The following UCHL3 variants were observed in gnomAD, a reference collection of about 807,000 sequenced individuals.
UCHL3 encodes ubiquitin C-terminal hydrolase L3.
A neutral mutation model predicts 35.8 loss-of-function variants in UCHL3; 22 were observed. The observed-to-expected ratio is 0.61, with a 90% CI of 0.44 to 0.88. The LOEUF (loss-of-function observed/expected upper bound fraction) is 0.88, where lower values mean the gene tolerates loss of function less well. Ranked by LOEUF, UCHL3 falls within the 40% of genes least tolerant of loss-of-function variation. UCHL3 has a pLI of 0.00. For missense variants in UCHL3, 229 were observed against 276.9 expected, an observed-to-expected ratio of 0.83 and a Z score of 1.23; for synonymous variants, 90 against 92.8, an observed-to-expected ratio of 0.97 and a Z score of 0.17.
chr13:75,574,074 C>T (rs903642335), intron 6 of UCHL3, among the ~76,000 whole-genome samples: 26 of 152,046 alleles, frequency 1.7e-4, no homozygotes, highest in Non-Finnish European at 3.5e-4. Context: ...AAAAACTAGC[C>T]AGGTGTGGTG....
chr13:75,560,942 A>AT (rs1475421625), intron 3 of UCHL3, 61 bp downstream of exon 3: 2 of 1,432,058 alleles, frequency 1.4e-6, no homozygotes, highest in African/African-American at 3.0e-5. Context: ...ATTCTGTCTT[A>AT]TTTTTTGAGG....
chr13:75,570,917 AAT>A (rs1282900068), intron 6 of UCHL3, among the ~76,000 whole-genome samples: 1 of 151,404 alleles, frequency 6.6e-6, no homozygotes, highest in Non-Finnish European at 1.5e-5. Flanking sequence ...GTCTCTATAA[AAT>A]ATATATATAT....
chr13:75,561,873 G>A (rs554470523), intron 3 of UCHL3, among the ~76,000 whole-genome samples: 6 of 149,932 alleles, frequency 4.0e-5, no homozygotes, highest in South Asian at 2.1e-4. Context: ...ATATACATAC[G>A]TATATACGTA....
chr13:75,554,087 T>G (rs1441900255), intron 2 of UCHL3, among the ~76,000 whole-genome samples: 1 of 152,220 alleles, frequency 6.6e-6, no homozygotes, highest in Non-Finnish European at 1.5e-5. Context: ...AGACAGGGTC[T>G]TGTTCTATCT....
chr13:75,554,501 T>C (rs1463370764), intron 2 of UCHL3, among the ~76,000 whole-genome samples: 1 of 152,234 alleles, frequency 6.6e-6, no homozygotes, highest in Non-Finnish European at 1.5e-5. Context: ...TTGCAAAGGC[T>C]ATTCCAAATA....
At chr13:75,562,594 G>GT (rs1400687146) in intron 3 of UCHL3, among the ~76,000 whole-genome samples, 2 of 151,836 alleles carry the variant, frequency 1.3e-5, no homozygotes, top group Admixed American at 6.6e-5. Flanking sequence ...ACAAATAGGA[G>GT]TTTTTTTGTC....
chr13:75,600,977 A>G (rs577190956), intron 7 of UCHL3, among the ~76,000 whole-genome samples: 2 of 152,310 alleles, frequency 1.3e-5, no homozygotes, highest in African/African-American at 2.4e-5. Flanking sequence ...GTTGGTTCCA[A>G]TCCTCATGGA....
chr13:75,589,519 G>C (rs1010797975), intron 6 of UCHL3, among the ~76,000 whole-genome samples: 1 of 151,888 alleles, frequency 6.6e-6, no homozygotes, highest in Non-Finnish European at 1.5e-5. Flanking sequence ...TCCTTTTAAG[G>C]AATTCTTTTT....
intron 6 of UCHL3, chr13:75,590,090 A>AC: frequency 7.7e-7 from 1 of 1,303,032 alleles, no homozygotes. Flanking sequence ...GTCGCTGGCG[A>AC]CCCTTCTTAC....
At chr13:75,558,637 G>A (rs928005657) in intron 2 of UCHL3, among the ~76,000 whole-genome samples, 2 of 152,088 alleles carry the variant, frequency 1.3e-5, no homozygotes, top group African/African-American at 4.8e-5. Flanking sequence ...GGAGCCAAAG[G>A]TATCTTTTCT....
Position 75,565,404 on chromosome 13 carries a change from G to A in UCHL3, c.184-1291G>A, listed in dbSNP as rs568138374. Among the ~76,000 whole-genome samples, 3 of 152,228 alleles carry A rather than the reference G, an allele frequency of 2.0e-5. No individual in the cohort carries two copies. In the South Asian group the frequency reaches 6.2e-4, roughly 32 times the overall value. On this transcript the variant is annotated intron_variant, in intron 3 of 8. Transcript: ENST00000377595. ...CACAATAATAAAATTCATATTTTGA[G>A]CACAGATACATTTGTTGTTAGAAGC...
Position 75,562,007 on chromosome 13 carries a change from A to G in UCHL3, c.183+1126A>G, listed in dbSNP as rs1316598464. On this transcript the variant is annotated intron_variant, in intron 3 of 8. Coordinates refer to ENST00000377595, the MANE Select transcript of UCHL3 (RefSeq NM_006002.5). The stretch of plus-strand genomic sequence containing the variant: ...TATTTTTAAAATTAGAAACAGTAGG[A>G]TGATTGCAGTAGTTATGAAAAATGA... Among the ~76,000 whole-genome samples the G allele has an allele frequency of 2.6e-5, 4 of 152,052 alleles. No homozygotes were observed. The South Asian group carries it at 6.2e-4, about 24-fold the overall frequency.
At chr13:75,580,821 G>A (rs546933414) in intron 6 of UCHL3, among the ~76,000 whole-genome samples, 18 of 152,260 alleles carry the variant, frequency 1.2e-4, no homozygotes, top group African/African-American at 4.3e-4. Context: ...CAGCTAGTAG[G>A]TACTCCTGTG....
upstream of UCHL3, chr13:75,549,742 G>A: frequency 6.9e-7 from 1 of 1,449,356 alleles, no homozygotes; most frequent in Non-Finnish European, 9.0e-7. Context: ...GAGGGCCCAG[G>A]TCAAGGCGCG....
chr13:75,568,119 A>G (rs926991606), intron 5 of UCHL3, among the ~76,000 whole-genome samples: 3 of 152,298 alleles, frequency 2.0e-5, no homozygotes, highest in African/African-American at 7.2e-5. Flanking sequence ...ACCACTTCAT[A>G]TAACTGTTCT....
At chr13:75,573,420 G>C (rs1029795530) in intron 6 of UCHL3, among the ~76,000 whole-genome samples, 2 of 152,092 alleles carry the variant, frequency 1.3e-5, no homozygotes, top group African/African-American at 4.8e-5. Flanking sequence ...TAGTTTGCTT[G>C]GGCATTCATC....
At chr13:75,599,950 T>C (rs2032737998) in intron 7 of UCHL3, among the ~76,000 whole-genome samples, 1 of 152,206 alleles carries the variant, frequency 6.6e-6, no homozygotes, top group East Asian at 1.9e-4. Context: ...GAAAAGTTCT[T>C]GAAGGAAATT....
chr13:75,602,282 G>A (rs2032799802), intron 7 of UCHL3, among the ~76,000 whole-genome samples: 1 of 152,172 alleles, frequency 6.6e-6, no homozygotes, highest in African/African-American at 2.4e-5. Flanking sequence ...TGTTTGTCAT[G>A]TCGCTTGTCT....
intron 3 of UCHL3, among the ~76,000 whole-genome samples, chr13:75,564,210 G>A (rs537409135): frequency 1.3e-5 from 2 of 151,900 alleles, no homozygotes; most frequent in South Asian, 4.2e-4. Context: ...GAGTGCAGTG[G>A]TGCGATCTCG....
Sources: gnomAD v4.1 joint callset for allele counts (sites outside exome capture counted in the v4.1 genomes callset) on GRCh38, gnomAD v4.1.1 for gene constraint, MANE v1.5 for transcripts, NCBI Gene and HGNC (gene_info 2026-07-23, HGNC 2026-07-21) for gene names.